CD47: variants seen among roughly 807,000 people sequenced by gnomAD.
CD47 encodes the protein CD47 molecule, also known as leukocyte surface antigen CD47.
CD47 carries 11 observed loss-of-function variants against 44.6 expected under a neutral mutation model. The observed-to-expected ratio is 0.25, with a 90% CI of 0.16 to 0.41. The LOEUF is 0.41. Among genes scored for constraint, CD47 ranks in the 10% least tolerant of loss-of-function variants. CD47 has a pLI of 1.00. For missense variants in CD47, 306 were observed against 386.7 expected (o/e 0.79, Z 1.75); for synonymous variants, 140 against 136.3 (o/e 1.03, Z -0.19).
intron 2 of CD47, among the ~76,000 whole-genome samples, chr3:108,075,002 G>A (rs1471224216): frequency 1.3e-5 from 2 of 152,178 alleles, no homozygotes; most frequent in African/African-American, 4.8e-5. Flanking sequence ...TTCCTCAAGG[G>A]GAGAGTGAGA....
intron 1 of CD47, among the ~76,000 whole-genome samples, chr3:108,081,722 T>C (rs1050842356): frequency 6.6e-6 from 1 of 151,986 alleles, no homozygotes; most frequent in African/African-American, 2.4e-5. Flanking sequence ...TTCACAGAAC[T>C]GTGTTGAGCA....
intron 5 of CD47, 81 bp from the exon 6 acceptor site, chr3:108,058,510 C>T: frequency 1.1e-6 from 1 of 912,694 alleles, no homozygotes. Context: ...TTGGTATAAT[C>T]AGGGATCTCC....
intron 3 of CD47, among the ~76,000 whole-genome samples, chr3:108,061,062 G>A (rs941134049): frequency 4.0e-5 from 6 of 151,364 alleles, no homozygotes; most frequent in African/African-American, 1.5e-4. Flanking sequence ...TGAATTTATA[G>A]GTGACACCTT....
rs1357452911 is a variant in CD47, at chr3:108,090,896, C to T, written c.13G>A (p.Val5Ile). MWPL[V>I]AALLLGSACC... The stretch of plus-strand genomic sequence containing the variant: ...GCCGAGCCCAGCAACAGCGCCGCTA[C>T]CAGGGGCCACATCTCCGCGCCCGCC... The change falls in exon 1 of 11, where the codon GTA becomes ATA. Residue 5 changes from valine (V) to isoleucine (I), a missense_variant. Transcript: ENST00000361309. 6.7e-7 allele frequency: 1 copy of T among 1,489,118 alleles called. No homozygotes were observed. 92.2% of individuals were successfully genotyped at this position (1,489,118 alleles called of 1,614,324 possible). A position where few individuals can be genotyped will look rare whatever the true frequency, so the allele number is the denominator to read the frequency against.
chr3:108,080,210 T>A lies in CD47; in HGVS notation c.181A>T (p.Lys61Ter). Residue 61 changes from lysine (K) to a stop codon, truncating the protein, a stop_gained, in exon 2 of 11, where the codon AAA becomes TAA. Transcript: ENST00000361309. LOFTEE classifies it high-confidence loss of function. ...TCAAAGGTGTAAATATCTCTTCCTT[T>A]AAATTTCCACTTTACGTATACTTCA... is the stretch of plus-strand genomic sequence containing the variant. The part of the protein sequence containing the change: ...TTEVYVKWKF[K>*]GRDIYTFDGA... The A allele has an allele frequency of 6.2e-7, 1 of 1,612,826 alleles. No individual in the cohort carries two copies. Among genetic ancestry groups the A allele is most frequent in the Non-Finnish European group, 8.5e-7 (1 of 1,178,980 alleles).
intron 3 of CD47, among the ~76,000 whole-genome samples, chr3:108,063,011 T>A (rs1261155280): frequency 2.0e-5 from 3 of 152,228 alleles, no homozygotes; most frequent in Middle Eastern, 3.4e-3. Context: ...TTTATCCTCT[T>A]AAGGCTTAGA....
chr3:108,061,197 T>C (rs149684782), intron 3 of CD47, among the ~76,000 whole-genome samples: 28 of 150,148 alleles, frequency 1.9e-4, no homozygotes, highest in East Asian at 7.8e-4. Flanking sequence ...TATAGAATGT[T>C]GAGGAGCATC....
chr3:108,076,495 T>G (rs2108261383), intron 2 of CD47, among the ~76,000 whole-genome samples: 1 of 152,346 alleles, frequency 6.6e-6, no homozygotes, highest in East Asian at 1.9e-4. Flanking sequence ...GAACCACATA[T>G]TACGGTGGTA....
chr3:108,083,468 G>A (rs990963978), intron 1 of CD47, among the ~76,000 whole-genome samples: 2 of 151,982 alleles, frequency 1.3e-5, no homozygotes, highest in African/African-American at 4.8e-5. Context: ...AGGATGTGGG[G>A]ATATAGTGAT....
At chr3:108,083,896 C>T (rs1307989320) in intron 1 of CD47, among the ~76,000 whole-genome samples, 1 of 138,010 alleles carries the variant, frequency 7.2e-6, no homozygotes, top group African/African-American at 2.6e-5. Flanking sequence ...CTATCCACAC[C>T]TTTTTTTTTT....
At chr3:108,082,917 CAA>C (rs754893033) in intron 1 of CD47, among the ~76,000 whole-genome samples, 1 of 151,842 alleles carries the variant, frequency 6.6e-6, no homozygotes, top group Non-Finnish European at 1.5e-5. Context: ...AAGGGCAGGC[CAA>C]AAATATCACT....
chr3:108,089,254 T>C (rs1038459187), intron 1 of CD47, among the ~76,000 whole-genome samples: 1 of 152,320 alleles, frequency 6.6e-6, no homozygotes, highest in South Asian at 2.1e-4. Flanking sequence ...TAAAATACTA[T>C]AAATTCTGAA....
chr3:108,061,281 A>G (rs1448675054), intron 3 of CD47, among the ~76,000 whole-genome samples: 1 of 151,252 alleles, frequency 6.6e-6, no homozygotes, highest in East Asian at 1.9e-4. Flanking sequence ...GACATTGTCA[A>G]TGCCCCCGAT....
chr3:108,067,046 G>T (rs937062576), intron 3 of CD47, among the ~76,000 whole-genome samples: 3 of 152,196 alleles, frequency 2.0e-5, no homozygotes, highest in Admixed American at 6.5e-5. Context: ...GAAGATGCTT[G>T]CTCTGTATCC....
At chr3:108,069,027 A>G (rs1166604035) in intron 3 of CD47, among the ~76,000 whole-genome samples, 1 of 152,196 alleles carries the variant, frequency 6.6e-6, no homozygotes, top group Middle Eastern at 3.2e-3. Context: ...TACAATTACA[A>G]TAAGATGCTT....
At chr3:108,071,794 G>A (rs907333597) in intron 2 of CD47, among the ~76,000 whole-genome samples, 6 of 152,156 alleles carry the variant, frequency 3.9e-5, no homozygotes, top group African/African-American at 1.4e-4. Flanking sequence ...GACAGACTCA[G>A]GGAACCTAAG....
intron 1 of CD47, among the ~76,000 whole-genome samples, chr3:108,087,716 C>T (rs567886953): frequency 7.2e-5 from 11 of 152,260 alleles, no homozygotes; most frequent in Admixed American, 6.5e-4. Flanking sequence ...CACATTAATT[C>T]TCCTAATCTG....
chr3:108,065,946 T>C (rs1316804852), intron 3 of CD47, among the ~76,000 whole-genome samples: 1 of 152,110 alleles, frequency 6.6e-6, no homozygotes, highest in African/African-American at 2.4e-5. Context: ...TTTTACTTTC[T>C]TGGATGGAAA....
chr3:108,049,518 T>C, intron 10 of CD47, 101 bp downstream of exon 10: 2 of 744,508 alleles, frequency 2.7e-6, no homozygotes, highest in Non-Finnish European at 4.8e-6. Flanking sequence ...TCTGACAGTG[T>C]CCCTTTTACT....
Sources: gnomAD v4.1 joint callset for allele counts (sites outside exome capture counted in the v4.1 genomes callset) on GRCh38, gnomAD v4.1.1 for gene constraint, MANE v1.5 for transcripts, NCBI Gene and HGNC (gene_info 2026-07-23, HGNC 2026-07-21) for gene names.